LRMDA: variants seen among roughly 807,000 people sequenced by gnomAD.
The protein encoded by LRMDA is leucine-rich melanocyte differentiation-associated protein.
A neutral mutation model predicts 29.8 loss-of-function variants in LRMDA; 18 were observed. The ratio of observed to expected loss-of-function variants is 0.60; its 90% confidence interval spans 0.42 to 0.90. The LOEUF is 0.90. Ranked by LOEUF, LRMDA falls within the 40% of genes least tolerant of loss-of-function variation. The probability of loss-of-function intolerance (pLI) is 0.00; values close to 1 mark genes in which losing one functional copy is unlikely to be tolerated. For missense variants in LRMDA, 273 were observed against 273.9 expected (o/e 1.00, Z 0.02); for synonymous variants, 125 against 109.4 (o/e 1.14, Z -0.89).
At chr10:75,610,083 G>T (rs1841008615) in intron 2 of LRMDA, among the ~76,000 whole-genome samples, 1 of 152,038 alleles carries the variant, frequency 6.6e-6, no homozygotes, top group Non-Finnish European at 1.5e-5. Context: ...TTTTAAAAAA[G>T]AAATACAGCT....
intron 6 of LRMDA, among the ~76,000 whole-genome samples, chr10:76,439,462 A>G (rs576847002): frequency 6.6e-6 from 1 of 152,282 alleles, no homozygotes; most frequent in South Asian, 2.1e-4. Flanking sequence ...CAAAAACACC[A>G]TTCTCTCCTT....
At chr10:75,715,605 C>T (rs921323056) in intron 2 of LRMDA, among the ~76,000 whole-genome samples, 1 of 152,090 alleles carries the variant, frequency 6.6e-6, no homozygotes, top group Non-Finnish European at 1.5e-5. Context: ...AATAGAGACG[C>T]ACAGTATTTA....
intron 2 of LRMDA, among the ~76,000 whole-genome samples, chr10:75,477,003 T>C (rs1260927926): frequency 6.6e-6 from 1 of 151,938 alleles, no homozygotes; most frequent in Non-Finnish European, 1.5e-5. Flanking sequence ...CTCTTTTTTT[T>C]TTTTGGAGGC....
At position 76,057,244 on chromosome 10, in the gene LRMDA, A is replaced by G. The variant is rs190845401; in HGVS notation, c.399-1422A>G. Among the ~76,000 whole-genome samples, 3 of 152,302 alleles carry G rather than the reference A, an allele frequency of 2.0e-5. No individual in the cohort carries two copies. The East Asian group carries it at 5.8e-4, about 29-fold the overall frequency. ...ATAACCTCGATTTTGGCACTTAGCT[A>G]TGCTTATTCCTAATTTCTCCATGTG... On this transcript the variant is annotated intron_variant, in intron 4 of 6. Transcript: ENST00000611255.
chr10:75,665,331 G>T (rs182375695), intron 2 of LRMDA, among the ~76,000 whole-genome samples: 1 of 152,292 alleles, frequency 6.6e-6, no homozygotes, highest in African/African-American at 2.4e-5. Context: ...TGGGGCTGAA[G>T]CCTGGTGGGC....
At chr10:76,545,638 T>TTTA (rs143193002) in intron 6 of LRMDA, among the ~76,000 whole-genome samples, 30,929 of 143,484 alleles carry the variant, frequency 0.22, 3,568 homozygotes, top group African/African-American at 0.28. Context: ...GGAACAACCT[T>TTTA]TTATTATTAT....
chr10:76,260,579 T>A (rs1839923297), intron 5 of LRMDA, among the ~76,000 whole-genome samples: 1 of 152,144 alleles, frequency 6.6e-6, no homozygotes, highest in East Asian at 1.9e-4. Flanking sequence ...TTCCCTTATA[T>A]GTGACTTGAT....
intron 2 of LRMDA, among the ~76,000 whole-genome samples, chr10:75,871,620 C>G (rs183336119): frequency 6.6e-6 from 1 of 152,108 alleles, no homozygotes; most frequent in African/African-American, 2.4e-5. Context: ...AAGCTTCCTG[C>G]CCCCGTGTCC....
intron 2 of LRMDA, among the ~76,000 whole-genome samples, chr10:75,484,858 A>G (rs978706788): frequency 2.6e-5 from 4 of 152,334 alleles, no homozygotes; most frequent in Admixed American, 2.0e-4. Context: ...TAGCCTCTAG[A>G]ATTGTGAGAA....
chr10:75,836,750 T>A (rs1238217227), intron 2 of LRMDA, among the ~76,000 whole-genome samples: 3 of 152,210 alleles, frequency 2.0e-5, no homozygotes, highest in African/African-American at 7.2e-5. Context: ...AATACCATGC[T>A]TTCAAACAAA....
chr10:75,682,362 T>TG (rs1321372312), intron 2 of LRMDA, among the ~76,000 whole-genome samples: 1 of 152,110 alleles, frequency 6.6e-6, no homozygotes, highest in Non-Finnish European at 1.5e-5. Context: ...AAAGCAGGAA[T>TG]GCATGAGAGA....
intron 6 of LRMDA, among the ~76,000 whole-genome samples, chr10:76,479,672 C>A (rs1011798060): frequency 4.0e-5 from 6 of 151,858 alleles, no homozygotes; most frequent in African/African-American, 1.4e-4. Flanking sequence ...TTACTAGAAC[C>A]TAATCTGAAA....
At chr10:76,335,839 T>C (rs1840961223) in intron 6 of LRMDA, among the ~76,000 whole-genome samples, 1 of 152,174 alleles carries the variant, frequency 6.6e-6, no homozygotes, top group Non-Finnish European at 1.5e-5. Flanking sequence ...ATTGTAAATA[T>C]TTCTTATCAG....
chr10:76,520,633 A>G (rs1843109291), intron 6 of LRMDA, among the ~76,000 whole-genome samples: 1 of 152,182 alleles, frequency 6.6e-6, no homozygotes, highest in African/African-American at 2.4e-5. Flanking sequence ...TTACATTCTC[A>G]CGTAACCAAA....
chr10:75,671,308 G>A (rs1841888338), intron 2 of LRMDA, among the ~76,000 whole-genome samples: 1 of 152,124 alleles, frequency 6.6e-6, no homozygotes, highest in South Asian at 2.1e-4. Context: ...ACTGCTGCCT[G>A]GTATAAGGAT....
chr10:76,415,349 A>T (rs142224303), intron 6 of LRMDA, among the ~76,000 whole-genome samples: 6 of 152,252 alleles, frequency 3.9e-5, no homozygotes, highest in African/African-American at 1.4e-4. Context: ...CTTTAGTTCC[A>T]TTTGGGGAAA....
chr10:76,487,446 G>T (rs937877659), intron 6 of LRMDA, among the ~76,000 whole-genome samples: 2 of 151,856 alleles, frequency 1.3e-5, no homozygotes, highest in African/African-American at 4.8e-5. Context: ...TAAAGAAGGG[G>T]TATGTTAAAA....
chr10:75,906,247 G>A (rs562506925), intron 2 of LRMDA, among the ~76,000 whole-genome samples: 1 of 152,194 alleles, frequency 6.6e-6, no homozygotes, highest in East Asian at 1.9e-4. Context: ...ACTGTTGGTT[G>A]TCAGCTTTTT....
intron 6 of LRMDA, among the ~76,000 whole-genome samples, chr10:76,528,063 G>A (rs1490467794): frequency 6.6e-6 from 1 of 151,800 alleles, no homozygotes; most frequent in African/African-American, 2.4e-5. Flanking sequence ...GTTTAAATAG[G>A]CATGCCTGGT....
Sources: gnomAD v4.1 joint callset for allele counts (sites outside exome capture counted in the v4.1 genomes callset) on GRCh38, gnomAD v4.1.1 for gene constraint, MANE v1.5 for transcripts, NCBI Gene and HGNC (gene_info 2026-07-23, HGNC 2026-07-21) for gene names.